RACGAP1: variants seen among roughly 807,000 people sequenced by gnomAD.
The protein encoded by RACGAP1 is rac GTPase-activating protein 1.
In RACGAP1, 30 loss-of-function variants were observed where a neutral mutation model predicts 78.1. That is an observed-to-expected ratio of 0.38 (90% CI 0.29 to 0.52). The LOEUF (loss-of-function observed/expected upper bound fraction) is 0.52. RACGAP1 is among the 20% of genes least tolerant of loss of function. The probability of loss-of-function intolerance (pLI) is 0.82; values close to 1 mark genes in which losing one functional copy is unlikely to be tolerated. For synonymous variants in RACGAP1, 231 were observed against 264.8 expected, an observed-to-expected ratio of 0.87 and a Z score of 1.24; for missense variants, 587 against 777.1, an observed-to-expected ratio of 0.76 and a Z score of 2.91.
chr12:50,010,226 G>A (rs1272360382), intron 2 of RACGAP1, among the ~76,000 whole-genome samples: 4 of 151,244 alleles, frequency 2.6e-5, no homozygotes, highest in African/African-American at 9.7e-5. Flanking sequence ...GAGAAAACAA[G>A]ACAACAAAAT....
chr12:49,994,750 T>G (rs1948140372), intron 10 of RACGAP1, among the ~76,000 whole-genome samples: 1 of 152,204 alleles, frequency 6.6e-6, no homozygotes, highest in Non-Finnish European at 1.5e-5. Flanking sequence ...TACACCACAC[T>G]GTTATGTGAA....
intron 10 of RACGAP1, among the ~76,000 whole-genome samples, chr12:49,995,504 T>C (rs1216738479): frequency 6.6e-6 from 1 of 152,148 alleles, no homozygotes; most frequent in Non-Finnish European, 1.5e-5. Context: ...TAATTTTTTT[T>C]TTTTTTGAGA....
upstream of RACGAP1, among the ~76,000 whole-genome samples, chr12:50,028,779 T>C (rs963542232): frequency 6.8e-6 from 1 of 147,602 alleles, no homozygotes; most frequent in African/African-American, 2.5e-5. Context: ...CTCAAAAAAA[T>C]AAAAATAAAA....
intron 15 of RACGAP1, among the ~76,000 whole-genome samples, chr12:49,991,384 TA>T (rs1270544955): frequency 7.1e-5 from 10 of 141,222 alleles, no homozygotes; most frequent in Non-Finnish European, 1.5e-4. Flanking sequence ...AAGTAAATGA[TA>T]AATAAGATTA....
upstream of RACGAP1, chr12:50,025,660 G>GTT (rs3830366): frequency 0.067 from 36,551 of 542,764 alleles, 1,403 homozygotes; most frequent in South Asian, 0.13. Flanking sequence ...CGGTTTTTCG[G>GTT]TTTTTTTTGT....
chr12:50,031,741 C>T, exon 2 of RACGAP1: 1 of 985,422 alleles, frequency 1.0e-6, no homozygotes, highest in Non-Finnish European at 1.2e-6. Flanking sequence ...GGGTCCGTGC[C>T]TTTGGCATAA....
intron 6 of RACGAP1, among the ~76,000 whole-genome samples, chr12:50,001,662 T>C (rs1239850314): frequency 6.6e-6 from 1 of 152,224 alleles, no homozygotes; most frequent in Non-Finnish European, 1.5e-5. Context: ...AAAATTCATA[T>C]GACAATTCAA....
chr12:49,990,076 A>C lies in RACGAP1; in HGVS notation c.*192T>G. 1 of 479,462 alleles carries C rather than the reference A, an allele frequency of 2.1e-6. No homozygotes were observed. The highest frequency in any genetic ancestry group is 3.3e-5 in the Admixed American group (1 of 30,132). The allele number at this position is 479,462 out of a possible 1,614,324, so 29.7% of individuals were successfully genotyped here. ...CAACAATGACCAGCACAAAGTGCTGATATTATGTGACTTGAGGAGAAGGAA... is the reference window on the plus strand; with the variant it reads ...CAACAATGACCAGCACAAAGTGCTGCTATTATGTGACTTGAGGAGAAGGAA... On this transcript the variant is annotated 3_prime_UTR_variant, in exon 17 of 17. Coordinates refer to ENST00000312377, the MANE Select transcript of RACGAP1 (RefSeq NM_001319999.2).
chr12:49,994,795 T>A (rs1027967535), intron 10 of RACGAP1, among the ~76,000 whole-genome samples: 1 of 152,126 alleles, frequency 6.6e-6, no homozygotes, highest in African/African-American at 2.4e-5. Flanking sequence ...ATTACCTCCT[T>A]CTCATCCACT....
chr12:49,995,494 TA>T (rs1948201097), intron 10 of RACGAP1, among the ~76,000 whole-genome samples: 1 of 151,994 alleles, frequency 6.6e-6, no homozygotes. Context: ...ACTTACATAA[TA>T]ATTTTTTTTT....
Position 50,006,532 on chromosome 12 carries a change from C to T in RACGAP1, c.190G>A (p.Glu64Lys), listed in dbSNP as rs1282878799. The change falls in exon 3 of 17, where the codon GAG (glutamate) becomes AAG (lysine). Residue 64 changes from glutamate to lysine, a missense_variant. Glu to Lys is a moderately conservative substitution (Grantham distance 56). Transcript: ENST00000312377. ...AGCTTAACATCCAGAGCACTTCGCTCAGTCTCTGCTTTCATCAAAAGATCC... is the reference window on the plus strand; with the variant it reads ...AGCTTAACATCCAGAGCACTTCGCTTAGTCTCTGCTTTCATCAAAAGATCC... ...YKDLLMKAET[E>K]RSALDVKLKH... 6.2e-7 allele frequency: 1 copy of T among 1,614,216 alleles called. No individual in the cohort carries two copies. Among genetic ancestry groups the T allele is most frequent in the South Asian group, 1.1e-5 (1 of 91,082 alleles).
chr12:50,017,196 G>A, intron 1 of RACGAP1: 1 of 562,394 alleles, frequency 1.8e-6, no homozygotes, highest in Non-Finnish European at 2.3e-6. Flanking sequence ...GACATGGTCA[G>A]CACATTTCCT....
intron 5 of RACGAP1, among the ~76,000 whole-genome samples, 197 bp downstream of exon 5, chr12:50,004,038 C>T (rs973796181): frequency 6.6e-5 from 10 of 152,180 alleles, no homozygotes; most frequent in African/African-American, 2.4e-4. Context: ...TATATATTCT[C>T]ACTTCAGAAA....
At chr12:50,001,093 C>G in intron 7 of RACGAP1, 79 bp downstream of exon 7, 1 of 1,137,808 alleles carries the variant, frequency 8.8e-7, no homozygotes, top group Non-Finnish European at 1.3e-6. Flanking sequence ...TCTCTCAAAA[C>G]AATGCTGCAA....
chr12:50,014,984 A>C (rs1338210066), intron 2 of RACGAP1, among the ~76,000 whole-genome samples: 4 of 148,798 alleles, frequency 2.7e-5, no homozygotes, highest in Non-Finnish European at 5.9e-5. Context: ...TGGAGGTTGC[A>C]GTGAGCCGAG....
intron 1 of RACGAP1, among the ~76,000 whole-genome samples, chr12:50,023,781 T>C (rs1368040329): frequency 6.6e-6 from 1 of 151,934 alleles, no homozygotes; most frequent in Non-Finnish European, 1.5e-5. Flanking sequence ...ACAACCTTTA[T>C]GGAAAACAGT....
At chr12:50,025,701 T>C (rs1160295798), upstream of RACGAP1, 1 of 238,716 alleles carries the variant, frequency 4.2e-6, no homozygotes, top group African/African-American at 2.3e-5. Flanking sequence ...CCGGAAGTCA[T>C]TCAGGATGCC....
intron 10 of RACGAP1, among the ~76,000 whole-genome samples, chr12:49,995,049 T>TA (rs34642923): frequency 1.5e-4 from 23 of 151,952 alleles, no homozygotes; most frequent in East Asian, 7.7e-4. Flanking sequence ...AGAACATGTG[T>TA]AAAAAAAATG....
intron 2 of RACGAP1, among the ~76,000 whole-genome samples, chr12:50,013,407 A>T (rs546723462): frequency 6.6e-6 from 1 of 152,298 alleles, no homozygotes; most frequent in South Asian, 2.1e-4. Flanking sequence ...TAAACCACAG[A>T]TTCTTCCCTC....
Sources: gnomAD v4.1 joint callset for allele counts (sites outside exome capture counted in the v4.1 genomes callset) on GRCh38, gnomAD v4.1.1 for gene constraint, MANE v1.5 for transcripts, NCBI Gene and HGNC (gene_info 2026-07-23, HGNC 2026-07-21) for gene names.